RBM20: variants seen among roughly 807,000 people sequenced by gnomAD.
RBM20 encodes the protein RNA-binding protein 20.
A neutral mutation model predicts 110.1 loss-of-function variants in RBM20; 51 were observed. The observed-to-expected ratio is 0.46, with a 90% CI of 0.37 to 0.59. The LOEUF (loss-of-function observed/expected upper bound fraction) is 0.59, where lower values mean the gene tolerates loss of function less well. RBM20 is among the 20% of genes least tolerant of loss of function. RBM20 has a pLI of 0.00. For missense variants in RBM20, 1,512 were observed against 1,574.9 expected (o/e 0.96, Z 0.68); for synonymous variants, 589 against 618.2 (o/e 0.95, Z 0.70).
At chr10:110,647,158 A>C (rs2134798353) in intron 1 of RBM20, among the ~76,000 whole-genome samples, 1 of 152,338 alleles carries the variant, frequency 6.6e-6, no homozygotes, top group Non-Finnish European at 1.5e-5. Context: ...AAACCATAGT[A>C]ACAATTATAA....
chr10:110,669,313 A>G (rs918200115), intron 1 of RBM20, among the ~76,000 whole-genome samples: 17 of 151,540 alleles, frequency 1.1e-4, no homozygotes, highest in South Asian at 4.3e-4. Context: ...TAGGGGGGAC[A>G]GGGTTGTCTT....
At chr10:110,670,516 G>A (rs1862241352) in intron 1 of RBM20, among the ~76,000 whole-genome samples, 1 of 152,178 alleles carries the variant, frequency 6.6e-6, no homozygotes, top group Non-Finnish European at 1.5e-5. Context: ...TGATTTGTGG[G>A]CATTGATGCT....
At chr10:110,667,918 C>T (rs936081009) in intron 1 of RBM20, among the ~76,000 whole-genome samples, 1 of 152,154 alleles carries the variant, frequency 6.6e-6, no homozygotes, top group Non-Finnish European at 1.5e-5. Flanking sequence ...TGCAGGGAAG[C>T]TAAGCCAGAG....
chr10:110,695,120 A>AT (rs1443851615), intron 1 of RBM20, among the ~76,000 whole-genome samples: 1 of 152,196 alleles, frequency 6.6e-6, no homozygotes, highest in Non-Finnish European at 1.5e-5. Context: ...AGTGAGTGAG[A>AT]TGACATCCTG....
intron 5 of RBM20, among the ~76,000 whole-genome samples, chr10:110,795,346 T>G (rs964800629): frequency 6.6e-6 from 1 of 152,228 alleles, no homozygotes; most frequent in Admixed American, 6.5e-5. Context: ...ATTTGCACTT[T>G]AGGAAGATGA....
intron 10 of RBM20, 143 bp downstream of exon 10, chr10:110,820,319 T>A: frequency 1.7e-6 from 1 of 583,150 alleles, no homozygotes; most frequent in South Asian, 2.4e-5. Context: ...CTCCTAGCGC[T>A]ACTTTGGAGG....
Position 110,781,642 on chromosome 10 carries a change from C to A in RBM20, c.1033C>A (p.Gln345Lys). 6.5e-7 allele frequency: 1 copy of A among 1,549,392 alleles called. No homozygotes were observed. Among genetic ancestry groups the A allele is most frequent in the East Asian group, 2.4e-5 (1 of 40,888 alleles). Reference protein sequence around the residue: ...AGPMWPPPHNQPYELYDPEEP... With the variant: ...AGPMWPPPHNKPYELYDPEEP... ...TCCCATGTGGCCTCCACCCCACAAC[C>A]AGCCCTATGAGCTGTACGACCCCGA... Residue 345 changes from glutamine (Q) to lysine (K), a missense_variant, in exon 2 of 14, where the codon CAG becomes AAG. This residue lies in a region of RBM20 where 1,149 missense variants were observed against 1,169.4 expected (regional missense o/e 0.98). Coordinates refer to ENST00000369519, the MANE Select transcript of RBM20 (RefSeq NM_001134363.3).
At chr10:110,673,984 G>T (rs1174133913) in intron 1 of RBM20, among the ~76,000 whole-genome samples, 2 of 152,282 alleles carry the variant, frequency 1.3e-5, no homozygotes, top group East Asian at 3.9e-4. Flanking sequence ...GGCAGTCTGA[G>T]GGTGTATCTT....
intron 1 of RBM20, among the ~76,000 whole-genome samples, chr10:110,749,316 C>G (rs1010563904): frequency 2.0e-5 from 3 of 152,028 alleles, no homozygotes; most frequent in Admixed American, 2.0e-4. Flanking sequence ...TGTCCATGTA[C>G]AGAAAGCAAT....
At chr10:110,786,496 T>C (rs906149540) in intron 5 of RBM20, among the ~76,000 whole-genome samples, 1 of 152,060 alleles carries the variant, frequency 6.6e-6, no homozygotes, top group African/African-American at 2.4e-5. Context: ...TTGTGTGTGT[T>C]GATCTGTGAT....
At chr10:110,812,978 G>A (rs1304397194) in intron 9 of RBM20, 31 bp downstream of exon 9, 41 of 1,387,576 alleles carry the variant, frequency 3.0e-5, no homozygotes, top group African/African-American at 4.4e-5. Context: ...CAGGTAAGGC[G>A]AGGCAGGCCC....
intron 1 of RBM20, among the ~76,000 whole-genome samples, chr10:110,767,026 G>C (rs1424928055): frequency 9.7e-6 from 1 of 103,136 alleles, no homozygotes; most frequent in African/African-American, 3.5e-5. Context: ...CAGTAGGGGC[G>C]GCCGGGCAGA....
intron 1 of RBM20, among the ~76,000 whole-genome samples, chr10:110,766,111 T>TA (rs142405867): frequency 0.12 from 17,712 of 152,072 alleles, 1,117 homozygotes; most frequent in Non-Finnish European, 0.13. Flanking sequence ...CAGTTTCAAG[T>TA]AAAAAAAATC....
At chr10:110,825,484 C>T (rs1289271551) in intron 12 of RBM20, among the ~76,000 whole-genome samples, 1 of 152,200 alleles carries the variant, frequency 6.6e-6, no homozygotes, top group Admixed American at 6.5e-5. Context: ...TCTCTTCCCT[C>T]CAGTCTCTCC....
rs562290651 is a variant in RBM20 at position 110,821,796 on chromosome 10, A to G, written c.3177A>G (p.Pro1059=). Residue 1059 remains proline, a synonymous_variant, in exon 11 of 14, where the codon CCA becomes CCG. Coordinates refer to ENST00000369519, the MANE Select transcript of RBM20 (RefSeq NM_001134363.3). ...PKPAEERARQ[P]SPFVDDCKTR... ...CAGCAGAGGAGAGGGCCCGGCAGCC[A>G]AGCCCATTTGTGGATGATTGCAAGA... is the stretch of plus-strand genomic sequence containing the variant. The G allele has an allele frequency of 6.1e-5, 95 of 1,551,678 alleles. No homozygotes were observed. Among genetic ancestry groups the G allele is most frequent in the African/African-American group, 9.6e-5 (7 of 73,070 alleles).
chr10:110,710,403 TCAA>T (rs1862907163), intron 1 of RBM20, among the ~76,000 whole-genome samples: 1 of 152,262 alleles, frequency 6.6e-6, no homozygotes. Context: ...TTTAATCCTC[TCAA>T]CAGCCAGGAG....
intron 13 of RBM20, among the ~76,000 whole-genome samples, chr10:110,831,682 A>AAAAAAAAAAAAC (rs1845057003): frequency 7.3e-6 from 1 of 136,502 alleles, no homozygotes; most frequent in Non-Finnish European, 1.6e-5. Flanking sequence ...AAAAAAAAAA[A>AAAAAAAAAAAAC]AAAAAAAAAC....
rs1845141857 is a variant in RBM20, at chr10:110,837,110, C to A, written c.*1132C>A. On this transcript the variant is annotated 3_prime_UTR_variant, in exon 14 of 14. Transcript: ENST00000369519. ...GAGAAGCTAAGGAAAGAGAAGGCTG[C>A]AGATCCAAAGAGTGGCATTGAAGTT... 2 of 152,298 alleles carry A rather than the reference C, an allele frequency of 1.3e-5. No homozygotes were observed. Among genetic ancestry groups the A allele is most frequent in the African/African-American group, 4.8e-5 (2 of 41,466 alleles). 9.4% of individuals were successfully genotyped at this position (152,298 alleles called of 1,614,324 possible). A position where few individuals can be genotyped will look rare whatever the true frequency, so the allele number is the denominator to read the frequency against.
At chr10:110,754,503 C>T (rs766983204) in intron 1 of RBM20, among the ~76,000 whole-genome samples, 1 of 152,184 alleles carries the variant, frequency 6.6e-6, no homozygotes, top group Non-Finnish European at 1.5e-5. Flanking sequence ...CCCCTATAGT[C>T]TAAATCCACT....
Sources: gnomAD v4.1 joint callset for allele counts (sites outside exome capture counted in the v4.1 genomes callset) on GRCh38, gnomAD v4.1.1 for gene constraint, gnomAD v4.1.1 regional missense constraint, MANE v1.5 for transcripts, NCBI Gene and HGNC (gene_info 2026-07-23, HGNC 2026-07-21) for gene names.